The following MBOAT1 variants were observed in gnomAD, a reference collection of about 807,000 sequenced individuals.
MBOAT1 encodes membrane-bound glycerophospholipid O-acyltransferase 1.
In MBOAT1, 67 loss-of-function variants were observed where a neutral mutation model predicts 64.4. The ratio of observed to expected loss-of-function variants is 1.04; its 90% CI spans 0.85 to 1.27. MBOAT1 has a LOEUF of 1.27. MBOAT1 is among the 50% of genes most tolerant of loss of function. MBOAT1 has a pLI of 0.00. For missense variants in MBOAT1, 563 were observed against 604.6 expected (o/e 0.93, Z 0.72); for synonymous variants, 229 against 218.9 (o/e 1.05, Z -0.41).
intron 1 of MBOAT1, among the ~76,000 whole-genome samples, chr6:20,166,405 C>T (rs1762016517): frequency 6.6e-6 from 1 of 152,142 alleles, no homozygotes; most frequent in Non-Finnish European, 1.5e-5. Context: ...TCCCACTCTC[C>T]TTCCCAGGGA....
intron 4 of MBOAT1, among the ~76,000 whole-genome samples, chr6:20,131,903 AT>A (rs1004202634): frequency 2.2e-4 from 33 of 149,364 alleles, no homozygotes; most frequent in Middle Eastern, 3.4e-3. Flanking sequence ...GAGAATCTGC[AT>A]TTTTTTTTCA....
intron 3 of MBOAT1, among the ~76,000 whole-genome samples, chr6:20,148,417 C>CA (rs1172033607): frequency 2.0e-5 from 3 of 151,714 alleles, no homozygotes; most frequent in African/African-American, 7.3e-5. Flanking sequence ...GGTTCCATCT[C>CA]AAAAAACAAA....
chr6:20,196,881 AC>A (rs1224171881), intron 1 of MBOAT1, among the ~76,000 whole-genome samples: 3 of 151,712 alleles, frequency 2.0e-5, no homozygotes, highest in African/African-American at 4.8e-5. Context: ...AAACAAACAA[AC>A]AAAAAAAAAA....
chr6:20,103,188 T>C (rs900736966), intron 12 of MBOAT1, among the ~76,000 whole-genome samples: 1 of 152,188 alleles, frequency 6.6e-6, no homozygotes, highest in African/African-American at 2.4e-5. Flanking sequence ...GACAGCTCCA[T>C]GCATGTTATT....
intron 4 of MBOAT1, among the ~76,000 whole-genome samples, chr6:20,139,743 T>G (rs185780847): frequency 6.6e-6 from 1 of 151,596 alleles, no homozygotes; most frequent in Admixed American, 6.6e-5. Flanking sequence ...TTTGTAAAGA[T>G]GGGGTCTCAC....
At chr6:20,124,663 G>C in intron 7 of MBOAT1, 63 bp from the exon 8 acceptor site, 1 of 1,497,196 alleles carries the variant, frequency 6.7e-7, no homozygotes, top group Non-Finnish European at 9.2e-7. Flanking sequence ...AAACAGCTTT[G>C]GAATGGACCT....
chr6:20,201,165 T>C (rs994941183), intron 1 of MBOAT1, among the ~76,000 whole-genome samples: 3 of 152,142 alleles, frequency 2.0e-5, no homozygotes, highest in African/African-American at 7.2e-5. Context: ...CTCAGCTCCT[T>C]CCCAGTTTGT....
intron 4 of MBOAT1, among the ~76,000 whole-genome samples, chr6:20,132,636 G>GT (rs1410896880): frequency 3.9e-5 from 6 of 152,172 alleles, no homozygotes; most frequent in African/African-American, 1.4e-4. Context: ...AGAAGAAAAC[G>GT]TAAGTATAAA....
chr6:20,171,569 TA>T (rs1234036696), intron 1 of MBOAT1, among the ~76,000 whole-genome samples: 2 of 151,932 alleles, frequency 1.3e-5, no homozygotes, highest in Admixed American at 6.6e-5. Flanking sequence ...ATAATAATGA[TA>T]ATAATTTTAA....
chr6:20,137,898 C>A (rs1445251274), intron 4 of MBOAT1, among the ~76,000 whole-genome samples: 3 of 152,192 alleles, frequency 2.0e-5, no homozygotes, highest in Admixed American at 6.5e-5. Context: ...ACACCAGGTT[C>A]AACTTCAAAA....
chr6:20,122,870 C>T (rs969203635), intron 8 of MBOAT1, among the ~76,000 whole-genome samples: 3 of 152,032 alleles, frequency 2.0e-5, no homozygotes, highest in African/African-American at 7.3e-5. Context: ...CTTGCTCCAT[C>T]ATCCAGGCCG....
At chr6:20,181,206 C>T (rs978305238) in intron 1 of MBOAT1, among the ~76,000 whole-genome samples, 1 of 152,076 alleles carries the variant, frequency 6.6e-6, no homozygotes, top group African/African-American at 2.4e-5. Context: ...ATGGTGACTC[C>T]CCGCTCCCCA....
chr6:20,168,272 C>T (rs1269851673), intron 1 of MBOAT1, among the ~76,000 whole-genome samples: 1 of 152,066 alleles, frequency 6.6e-6, no homozygotes, highest in Admixed American at 6.6e-5. Flanking sequence ...CAACTAAACC[C>T]TGATACTATA....
In MBOAT1 at chr6:20,212,189, C is replaced by T. The variant is rs948843888; in HGVS notation, c.46G>A (p.Gly16Ser). 5.0e-6 allele frequency: 8 copies of T among 1,612,290 alleles called. No homozygotes were observed. The highest frequency in any genetic ancestry group is 2.2e-5 in the South Asian group (2 of 90,994). Residue 16 changes from glycine to serine, a missense_variant, in exon 1 of 13, where the codon GGC becomes AGC. Gly to Ser is a moderately conservative substitution (Grantham distance 56). Coordinates refer to ENST00000324607, the MANE Select transcript of MBOAT1 (RefSeq NM_001080480.3). ...CTGAGCGGGTGCAGGTAGGTGGAGC[C>T]CGTGGTGCGGTAGGAAAGGCTGGAC... ...QPSSLSYRTT[G>S]STYLHPLSEL...
intron 1 of MBOAT1, among the ~76,000 whole-genome samples, chr6:20,192,452 T>G (rs144662597): frequency 8.1e-4 from 123 of 152,264 alleles, no homozygotes; most frequent in African/African-American, 2.9e-3. Context: ...GCATCCTATC[T>G]ATTCATTAAG....
At chr6:20,208,402 T>A (rs1473681245) in intron 1 of MBOAT1, among the ~76,000 whole-genome samples, 1 of 134,492 alleles carries the variant, frequency 7.4e-6, no homozygotes, top group African/African-American at 2.7e-5. Context: ...GCCGAGATCG[T>A]GCCACTGCAC....
intron 1 of MBOAT1, among the ~76,000 whole-genome samples, chr6:20,207,069 C>A (rs1257687083): frequency 4.6e-5 from 7 of 152,182 alleles, no homozygotes; most frequent in Admixed American, 2.6e-4. Context: ...CTGAAAGGAG[C>A]TGCTGAAAGA....
intron 1 of MBOAT1, among the ~76,000 whole-genome samples, chr6:20,210,578 T>TCTCC (rs537699494): frequency 0.023 from 3,483 of 149,882 alleles, 53 homozygotes; most frequent in Non-Finnish European, 0.032. Context: ...CCCAGAAGTC[T>TCTCC]CTCCCTCCCT....
chr6:20,140,189 A>G (rs1012743244), intron 4 of MBOAT1, among the ~76,000 whole-genome samples: 1 of 152,132 alleles, frequency 6.6e-6, no homozygotes, highest in South Asian at 2.1e-4. Flanking sequence ...CCAACCCCCA[A>G]TCCTTTCAGC....
Sources: allele counts gnomAD v4.1 joint callset (sites outside exome capture counted in the v4.1 genomes callset), GRCh38; gene constraint gnomAD v4.1.1; transcripts MANE v1.5; gene names NCBI Gene and HGNC (gene_info 2026-07-23, HGNC 2026-07-21).